Variants in NRAP observed in about 807,000 individuals in gnomAD.
NRAP encodes the protein nebulin-related-anchoring protein.
In NRAP, 189 loss-of-function variants were observed where a neutral mutation model predicts 225.9. The ratio of observed to expected loss-of-function variants is 0.84; its 90% confidence interval spans 0.74 to 0.94. The LOEUF (loss-of-function observed/expected upper bound fraction) is 0.94. NRAP is among the 40% of genes least tolerant of loss of function. The probability of loss-of-function intolerance (pLI) is 0.00; values close to 1 mark genes in which losing one functional copy is unlikely to be tolerated. For synonymous variants in NRAP, 769 were observed against 790.7 expected, an observed-to-expected ratio of 0.97 and a Z score of 0.46; for missense variants, 2,176 against 2,168.7, an observed-to-expected ratio of 1.00 and a Z score of -0.07.
chr10:113,605,816 T>G lies in NRAP; in HGVS notation c.3861A>C (p.Thr1287=). ...RNLRAQGYKL[T]IEALPFQAAR... ...CAGCCTGGAAGGGGAGCGCTTCTAT[T>G]GTCAGCTTGTAGCCTTGAGCACGAA... The change falls in exon 34 of 42, where the codon ACA becomes ACC. Residue 1287 remains threonine, a synonymous_variant. Coordinates refer to ENST00000359988, the MANE Select transcript of NRAP (RefSeq NM_198060.4). 1 of 1,614,206 alleles carries G rather than the reference T, an allele frequency of 6.2e-7. No individual in the cohort carries two copies. The highest frequency in any genetic ancestry group is 8.5e-7 in the Non-Finnish European group (1 of 1,180,018).
At chr10:113,615,895 C>A in intron 26 of NRAP, 79 bp from the exon 27 acceptor site, 1 of 817,060 alleles carries the variant, frequency 1.2e-6, no homozygotes. Context: ...TTCAAGAGTC[C>A]AAGCTGCTGC....
chr10:113,610,496 A>G lies in NRAP; in HGVS notation c.3566T>C (p.Ile1189Thr), dbSNP rs1847263394. The G allele has an allele frequency of 1.2e-6, 2 of 1,601,924 alleles. No individual in the cohort carries two copies. The highest frequency in any genetic ancestry group is 1.1e-5 in the South Asian group (1 of 90,854). Residue 1189 changes from isoleucine to threonine, a missense_variant, in exon 31 of 42, where the codon ATT becomes ACT. Around this residue, in one of 3 missense-constraint regions of NRAP, gnomAD observed 1,708 missense variants for 1,695.5 expected, o/e 1.01. Coordinates refer to ENST00000359988, the MANE Select transcript of NRAP (RefSeq NM_198060.4). ...VACVIPGTLE[I>T]EGRKKASELI... ...TTCCGATGCTTTCTTCCTCCCTTCA[A>G]TCTCTAACGTGCCTGGAATGACACA...
At chr10:113,620,063 T>C (rs1350824376) in intron 25 of NRAP, among the ~76,000 whole-genome samples, 1 of 152,194 alleles carries the variant, frequency 6.6e-6, no homozygotes, top group Non-Finnish European at 1.5e-5. Flanking sequence ...GACACTGTCC[T>C]GAAATACGAA....
At chr10:113,647,645 C>CCCCCAGTGGTACTGCCT (rs1564752985) in intron 9 of NRAP, among the ~76,000 whole-genome samples, 7 of 33,416 alleles carry the variant, frequency 2.1e-4, no homozygotes, top group Non-Finnish European at 5.6e-4. Flanking sequence ...GGTACTGTCT[C>CCCCCAGTGGTACTGCCT]CCCCCGGTGG....
chr10:113,641,866 A>C (rs1849224938), intron 12 of NRAP, among the ~76,000 whole-genome samples: 1 of 152,228 alleles, frequency 6.6e-6, no homozygotes, highest in African/African-American at 2.4e-5. Context: ...AGGCTGGTAC[A>C]AATCACTGCA....
Position 113,629,620 on chromosome 10 carries a change from A to G in NRAP, c.2008T>C (p.Trp670Arg), listed in dbSNP as rs1271858610. Residue 670 changes from tryptophan (W) to arginine (R), a missense_variant, in exon 19 of 42, where the codon TGG becomes CGG. This residue lies in a region of NRAP where 1,708 missense variants were observed against 1,695.5 expected (regional missense o/e 1.01). Coordinates refer to ENST00000359988, the MANE Select transcript of NRAP (RefSeq NM_198060.4). ...TVLPEDMKTQWAKKAYGLQSE... is the reference protein window; with the variant it reads ...TVLPEDMKTQRAKKAYGLQSE... Reference sequence around the variant, plus strand: ...TGGAGCCCATAGGCCTTCTTGGCCCACTGAGTCTTCATATCTTCAGGCAGC... The same window carrying G: ...TGGAGCCCATAGGCCTTCTTGGCCCGCTGAGTCTTCATATCTTCAGGCAGC... 4.3e-6 allele frequency: 7 copies of G among 1,613,792 alleles called. No individual in the cohort carries two copies. In the Admixed American group the frequency reaches 1.2e-4, roughly 27 times the overall value.
At chr10:113,641,630 T>C (rs1169290661) in intron 12 of NRAP, among the ~76,000 whole-genome samples, 158 bp from the exon 13 acceptor site, 3 of 152,216 alleles carry the variant, frequency 2.0e-5, no homozygotes, top group Non-Finnish European at 2.9e-5. Flanking sequence ...GGCAAACTTT[T>C]TTTTAATAAC....
Position 113,590,857 on chromosome 10 carries a change from T to A in NRAP, c.4677A>T (p.Arg1559=), listed in dbSNP as rs1276769654. 39 of 1,614,138 alleles carry A rather than the reference T, an allele frequency of 2.4e-5. No homozygotes were observed. The highest frequency in any genetic ancestry group is 3.2e-5 in the Non-Finnish European group (38 of 1,179,984). The change falls in exon 40 of 42, where the codon CGA becomes CGT. Residue 1559 remains arginine (R), a synonymous_variant. Transcript: ENST00000359988. ...CACTGCGGTACCCGATCTGCAGGCCTCGGTCCCGCAGGAAAGCCTCTTTGT... is the reference window on the plus strand; with the variant it reads ...CACTGCGGTACCCGATCTGCAGGCCACGGTCCCGCAGGAAAGCCTCTTTGT... ...FRYKEAFLRD[R]GLQIGYRSVD...
At chr10:113,659,327 C>G (rs941724294) in intron 3 of NRAP, among the ~76,000 whole-genome samples, 1 of 152,196 alleles carries the variant, frequency 6.6e-6, no homozygotes, top group Admixed American at 6.5e-5. Flanking sequence ...AATACCCCAT[C>G]AACACCAGTC....
intron 28 of NRAP, among the ~76,000 whole-genome samples, chr10:113,614,510 C>T (rs538805954): frequency 3.3e-5 from 5 of 152,192 alleles, no homozygotes; most frequent in African/African-American, 7.2e-5. Context: ...TGCATTAGCA[C>T]GTGGGCGGCC....
chr10:113,626,066 C>A lies in NRAP; in HGVS notation c.2225G>T (p.Ser742Ile), dbSNP rs774009642. ...DSSQMEHAKKSQELQSGVAYK... is the reference protein window; with the variant it reads ...DSSQMEHAKKIQELQSGVAYK... ...ACTCACCCCGCTCTGTAGCTCCTGG[C>A]TCTTCTTGGCGTGCTCCATCTGGGA... The change falls in exon 21 of 42, where the codon AGC becomes ATC. Residue 742 changes from serine to isoleucine, a missense_variant. Ser to Ile is a moderately radical substitution (Grantham distance 142). Coordinates refer to ENST00000359988, the MANE Select transcript of NRAP (RefSeq NM_198060.4). The A allele has an allele frequency of 6.2e-7, 1 of 1,612,240 alleles. No homozygotes were observed. Among genetic ancestry groups the A allele is most frequent in the Non-Finnish European group, 8.5e-7 (1 of 1,179,418 alleles).
Position 113,589,797 on chromosome 10 carries a change from C to T in NRAP, c.4957G>A (p.Val1653Ile). 3.1e-6 allele frequency: 5 copies of T among 1,613,616 alleles called. No individual in the cohort carries two copies. The highest frequency in any genetic ancestry group is 4.2e-6 in the Non-Finnish European group (5 of 1,179,840). ...AGGTTCAAGTCTGATTTATACTTGACCTTGAGGGTAAGAGGGAAGCAAGAG... is the reference window on the plus strand; with the variant it reads ...AGGTTCAAGTCTGATTTATACTTGATCTTGAGGGTAAGAGGGAAGCAAGAG... ...AQKAHQLQSD[V>I]KYKSDLNLTR... is the part of the protein sequence containing the mutation. The change falls in exon 41 of 42, where the codon GTC becomes ATC. Residue 1653 changes from valine (V) to isoleucine (I), a missense_variant and splice_region_variant. Physicochemically the swap from Val to Ile is conservative, Grantham distance 29. Transcript: ENST00000359988.
At chr10:113,597,856 G>T in intron 36 of NRAP, 113 bp downstream of exon 36, 1 of 772,892 alleles carries the variant, frequency 1.3e-6, no homozygotes, top group South Asian at 1.5e-5. Flanking sequence ...AAAATACTGG[G>T]AGTCCAGTGG....
intron 32 of NRAP, among the ~76,000 whole-genome samples, chr10:113,606,826 G>A (rs1846997203): frequency 6.6e-6 from 1 of 151,988 alleles, no homozygotes; most frequent in South Asian, 2.1e-4. Flanking sequence ...TCAGCACTTT[G>A]AGTGGATGAG....
chr10:113,663,181 T>C (rs570779569), intron 2 of NRAP, among the ~76,000 whole-genome samples, 171 bp downstream of exon 2: 1 of 152,364 alleles, frequency 6.6e-6, no homozygotes, highest in South Asian at 2.1e-4. Flanking sequence ...TTTGTGTCCA[T>C]TGCATAAAAT....
In NRAP at chr10:113,631,845, G is replaced by A. The variant is rs377066054; in HGVS notation, c.1740+12C>T. On this transcript the variant is annotated intron_variant, in intron 17 of 41. Coordinates refer to ENST00000359988, the MANE Select transcript of NRAP (RefSeq NM_198060.4). ...TTCTTATGCATTCCTGAGTTAATGA[G>A]AGGAAACGTACATTGCTAGCAAGCT... 1.1e-5 allele frequency: 17 copies of A among 1,544,336 alleles called. No individual in the cohort carries two copies. Among genetic ancestry groups the A allele is most frequent in the Non-Finnish European group, 1.4e-5 (16 of 1,117,090 alleles).
At chr10:113,592,169 G>T in intron 39 of NRAP, 25 bp downstream of exon 39, 1 of 1,441,338 alleles carries the variant, frequency 6.9e-7, no homozygotes, top group Non-Finnish European at 9.7e-7. Context: ...ATCAGTGACC[G>T]CAGGAGAGAA....
chr10:113,591,525 A>G (rs1000950900), intron 39 of NRAP, among the ~76,000 whole-genome samples: 2 of 152,214 alleles, frequency 1.3e-5, no homozygotes, highest in Non-Finnish European at 2.9e-5. Context: ...GCTAAAAAAT[A>G]TTTCAAAAAT....
chr10:113,624,761 G>T, intron 22 of NRAP, 65 bp downstream of exon 22: 3 of 1,127,744 alleles, frequency 2.7e-6, no homozygotes, highest in Non-Finnish European at 2.7e-6. Context: ...TGGTGGGCTT[G>T]GTTTACCAGG....
Sources: allele counts gnomAD v4.1 joint callset (sites outside exome capture counted in the v4.1 genomes callset), GRCh38; gene constraint gnomAD v4.1.1; regional missense constraint gnomAD v4.1.1; transcripts MANE v1.5; gene names NCBI Gene and HGNC (gene_info 2026-07-23, HGNC 2026-07-21).